Variants in RAP1GDS1 observed in about 807,000 individuals in gnomAD.
RAP1GDS1 encodes the protein RAP1, GTP-GDP dissociation stimulator 1.
Under a neutral mutation model 71.1 loss-of-function variants are expected in RAP1GDS1, and 35 were observed. That is an observed-to-expected ratio of 0.49 (90% CI 0.38 to 0.65). The LOEUF (loss-of-function observed/expected upper bound fraction) is 0.65, where lower values mean the gene tolerates loss of function less well. Ranked by LOEUF, RAP1GDS1 falls within the 30% of genes least tolerant of loss-of-function variation. The pLI, the probability that RAP1GDS1 is intolerant of heterozygous loss-of-function variation, is 0.00. For missense variants in RAP1GDS1, 663 were observed against 706.1 expected, an observed-to-expected ratio of 0.94 and a Z score of 0.69; for synonymous variants, 229 against 243.1, an observed-to-expected ratio of 0.94 and a Z score of 0.54.
chr4:98,375,101 AT>A (rs33929076), intron 4 of RAP1GDS1, among the ~76,000 whole-genome samples: 22,895 of 152,066 alleles, frequency 0.15, 2,629 homozygotes, highest in African/African-American at 0.31. Context: ...AGTTCCAGAG[AT>A]TTTTAAGTCT....
At chr4:98,343,853 T>C (rs1360775445) in intron 3 of RAP1GDS1, among the ~76,000 whole-genome samples, 2 of 152,230 alleles carry the variant, frequency 1.3e-5, no homozygotes, top group Non-Finnish European at 2.9e-5. Flanking sequence ...TATTTGCATG[T>C]GGTTTTAATT....
chr4:98,417,819 AATTATCTGAGT>A (rs1317002708), intron 9 of RAP1GDS1, among the ~76,000 whole-genome samples: 1 of 152,164 alleles, frequency 6.6e-6, no homozygotes, highest in East Asian at 1.9e-4. Flanking sequence ...TTTTGGATCT[AATTATCTGAGT>A]ATTCATTCTA....
At chr4:98,373,124 CTT>C (rs1453146572) in intron 4 of RAP1GDS1, among the ~76,000 whole-genome samples, 2 of 152,130 alleles carry the variant, frequency 1.3e-5, no homozygotes, top group Non-Finnish European at 2.9e-5. Context: ...AACTGAAAAA[CTT>C]TTACTAACAT....
intron 12 of RAP1GDS1, among the ~76,000 whole-genome samples, chr4:98,425,668 G>A (rs1749511344): frequency 6.6e-6 from 1 of 152,098 alleles, no homozygotes; most frequent in Non-Finnish European, 1.5e-5. Flanking sequence ...TGTCCAACAG[G>A]AAAATATCAC....
At chr4:98,399,664 C>A (rs766866636) in intron 6 of RAP1GDS1, among the ~76,000 whole-genome samples, 1 of 152,096 alleles carries the variant, frequency 6.6e-6, no homozygotes, top group Non-Finnish European at 1.5e-5. Flanking sequence ...AAATGGCTAA[C>A]CAATGTATGA....
intron 1 of RAP1GDS1, among the ~76,000 whole-genome samples, chr4:98,270,230 C>G (rs908687047): frequency 6.6e-6 from 1 of 152,164 alleles, no homozygotes; most frequent in African/African-American, 2.4e-5. Flanking sequence ...CCTTCCAGTA[C>G]TGTTGTGTTT....
At chr4:98,325,668 A>G (rs1732917072) in intron 2 of RAP1GDS1, among the ~76,000 whole-genome samples, 1 of 150,184 alleles carries the variant, frequency 6.7e-6, no homozygotes, top group Non-Finnish European at 1.5e-5. Flanking sequence ...AAACTATCGC[A>G]AGAACAAAAA....
intron 2 of RAP1GDS1, among the ~76,000 whole-genome samples, chr4:98,328,397 A>G (rs760126533): frequency 1.3e-5 from 2 of 152,220 alleles, no homozygotes; most frequent in African/African-American, 2.4e-5. Flanking sequence ...ACCGTCTACC[A>G]TGTAAAAATG....
intron 6 of RAP1GDS1, 83 bp downstream of exon 6, chr4:98,392,163 G>A (rs1009186376): frequency 3.9e-5 from 50 of 1,285,306 alleles, no homozygotes; most frequent in Admixed American, 2.9e-4. Flanking sequence ...TAAGAAGCTA[G>A]AAATCCATTT....
intron 1 of RAP1GDS1, among the ~76,000 whole-genome samples, chr4:98,286,349 T>C (rs1165719313): frequency 6.6e-6 from 1 of 152,066 alleles, no homozygotes. Flanking sequence ...TGTATGTGAT[T>C]AGGCTCTCTC....
chr4:98,358,682 T>G (rs1292367680), intron 4 of RAP1GDS1, among the ~76,000 whole-genome samples: 1 of 152,084 alleles, frequency 6.6e-6, no homozygotes, highest in African/African-American at 2.4e-5. Context: ...CCACTTTAGT[T>G]GTGGTACACA....
At chr4:98,271,397 G>A in intron 1 of RAP1GDS1, among the ~76,000 whole-genome samples, 1 of 152,096 alleles carries the variant, frequency 6.6e-6, no homozygotes, top group East Asian at 1.9e-4. Context: ...GCCCTGATTT[G>A]TGATGGCTGT....
Position 98,327,728 on chromosome 4 carries a change from T to C in RAP1GDS1, c.113-15411T>C, listed in dbSNP as rs563291074. Among the ~76,000 whole-genome samples the C allele has an allele frequency of 5.9e-5, 9 of 152,308 alleles. No homozygotes were observed. The Middle Eastern group carries it at 0.01, about 173-fold the overall frequency. On this transcript the variant is annotated intron_variant, in intron 2 of 14. Coordinates refer to ENST00000408927, the MANE Select transcript of RAP1GDS1 (RefSeq NM_001100427.2). ...TGGGATGGACTGGTTTGGTCCCACA[T>C]TGGAGAGGGTGATTGGTGACCAGGA...
At position 98,271,054 on chromosome 4, in the gene RAP1GDS1, A is replaced by C. The variant is rs995745668; in HGVS notation, c.4+9485A>C. On this transcript the variant is annotated intron_variant, in intron 1 of 14. Transcript: ENST00000408927. ...GTTATTGGTAAGGCTTCTGGTCAGC[A>C]TTAGGCTATTAAGGTTTTAGGGAGT... 5.9e-5 allele frequency among the ~76,000 whole-genome samples: 9 copies of C among 152,280 alleles called. 1 individual carries two copies. Among genetic ancestry groups the C allele is most frequent in the Admixed American group, 5.9e-4 (9 of 15,284 alleles).
intron 1 of RAP1GDS1, among the ~76,000 whole-genome samples, chr4:98,281,639 C>T (rs930885334): frequency 1.3e-5 from 2 of 152,172 alleles, no homozygotes; most frequent in Non-Finnish European, 2.9e-5. Flanking sequence ...GAACTTCCAA[C>T]ACTATGCTGA....
At chr4:98,405,825 C>CAA (rs74646636) in intron 7 of RAP1GDS1, among the ~76,000 whole-genome samples, 2 of 149,644 alleles carry the variant, frequency 1.3e-5, no homozygotes, top group Admixed American at 6.6e-5. Flanking sequence ...GAATAAAGAC[C>CAA]AAAAAAAACG....
At chr4:98,360,013 A>G (rs1738491671) in intron 4 of RAP1GDS1, among the ~76,000 whole-genome samples, 1 of 152,204 alleles carries the variant, frequency 6.6e-6, no homozygotes, top group Non-Finnish European at 1.5e-5. Context: ...TTACACTTTG[A>G]GAAACTATGA....
chr4:98,331,030 C>T (rs1560850606), intron 2 of RAP1GDS1, among the ~76,000 whole-genome samples: 1 of 152,154 alleles, frequency 6.6e-6, no homozygotes, highest in African/African-American at 2.4e-5. Flanking sequence ...GTGAGCGAGA[C>T]TCCGTCTGCA....
intron 1 of RAP1GDS1, among the ~76,000 whole-genome samples, chr4:98,289,769 T>G: frequency 6.6e-6 from 1 of 152,094 alleles, no homozygotes; most frequent in East Asian, 1.9e-4. Context: ...CAAGAGAGAT[T>G]GCTATTATTT....
Sources: gnomAD v4.1 joint callset for allele counts (sites outside exome capture counted in the v4.1 genomes callset) on GRCh38, gnomAD v4.1.1 for gene constraint, MANE v1.5 for transcripts, NCBI Gene and HGNC (gene_info 2026-07-23, HGNC 2026-07-21) for gene names.